The following DAB1 variants were observed in gnomAD, a reference collection of about 807,000 sequenced individuals.
DAB1 encodes the protein disabled homolog 1.
In DAB1, 15 loss-of-function variants were observed where a neutral mutation model predicts 64.6. The observed-to-expected ratio is 0.23, with a 90% CI of 0.16 to 0.36. The LOEUF is 0.36. Among genes scored for constraint, DAB1 ranks in the 10% least tolerant of loss-of-function variants. DAB1 has a pLI of 1.00. For synonymous variants in DAB1, 235 were observed against 251.9 expected (o/e 0.93, Z 0.64); for missense variants, 596 against 706.7 (o/e 0.84, Z 1.78).
At chr1:58,528,335 C>T (rs771392737) in intron 1 of DAB1, among the ~76,000 whole-genome samples, 1 of 152,124 alleles carries the variant, frequency 6.6e-6, no homozygotes, top group Non-Finnish European at 1.5e-5. Context: ...CCCTGCTAAA[C>T]CCAGTAGTAT....
chr1:58,167,251 C>T (rs1422723408), intron 4 of DAB1, among the ~76,000 whole-genome samples: 1 of 152,082 alleles, frequency 6.6e-6, no homozygotes, highest in African/African-American at 2.4e-5. Context: ...CCAATCAGCA[C>T]TCTGTAAAAA....
chr1:58,371,053 T>C (rs67403634), intron 3 of DAB1, among the ~76,000 whole-genome samples: 14,181 of 152,194 alleles, frequency 0.093, 667 homozygotes, highest in Middle Eastern at 0.13. Context: ...ACTGGGTAAC[T>C]AGCAGAGGAT....
intron 10 of DAB1, 82 bp downstream of exon 10, chr1:57,025,899 C>G (rs536589621): frequency 1.5e-4 from 178 of 1,162,380 alleles, no homozygotes; most frequent in Middle Eastern, 7.6e-4. Context: ...CTCTTTCACT[C>G]AAAGCCCATA....
intron 1 of DAB1, chr1:57,867,248 A>G (rs1654344055): frequency 6.6e-6 from 1 of 152,280 alleles, no homozygotes; most frequent in South Asian, 2.1e-4. Context: ...CGTGGTGCCA[A>G]TGGGTTAAAG....
chr1:57,501,820 A>G (rs1253645257), intron 7 of DAB1, among the ~76,000 whole-genome samples: 1 of 152,166 alleles, frequency 6.6e-6, no homozygotes, highest in East Asian at 1.9e-4. Context: ...TGCCTACTTT[A>G]TTCCTTATAA....
At chr1:57,814,963 G>A (rs1356629392) in intron 6 of DAB1, among the ~76,000 whole-genome samples, 1 of 152,276 alleles carries the variant, frequency 6.6e-6, no homozygotes, top group African/African-American at 2.4e-5. Flanking sequence ...GCTGTAGCAG[G>A]GGTTTACAAA....
chr1:57,386,363 T>C (rs1372366346), intron 1 of DAB1, among the ~76,000 whole-genome samples: 1 of 62,240 alleles, frequency 1.6e-5, no homozygotes, highest in African/African-American at 9.0e-5. Flanking sequence ...TTAGGCCCCT[T>C]GGGAAAAAAA....
intron 4 of DAB1, among the ~76,000 whole-genome samples, chr1:57,093,200 G>A (rs555060574): frequency 2.3e-4 from 35 of 152,284 alleles, no homozygotes; most frequent in African/African-American, 8.2e-4. Context: ...GAGGCAGGTG[G>A]CTGCTCGTCA....
At chr1:57,787,245 G>C (rs575955799) in intron 6 of DAB1, among the ~76,000 whole-genome samples, 5 of 152,130 alleles carry the variant, frequency 3.3e-5, no homozygotes, top group Non-Finnish European at 7.4e-5. Flanking sequence ...GTAGGAGTTA[G>C]AGTATTTGAT....
At chr1:58,362,828 T>C (rs1644180785) in intron 3 of DAB1, among the ~76,000 whole-genome samples, 1 of 152,218 alleles carries the variant, frequency 6.6e-6, no homozygotes, top group Non-Finnish European at 1.5e-5. Flanking sequence ...AATCACTCTG[T>C]GGGAAAAGGC....
In DAB1 at chr1:57,148,486, T is replaced by C. The variant is rs557172359; in HGVS notation, c.68-3057A>G. 6.2e-4 allele frequency among the ~76,000 whole-genome samples: 95 copies of C among 152,340 alleles called. 1 individual carries two copies. Among genetic ancestry groups the C allele is most frequent in the Non-Finnish European group, 1.1e-3 (74 of 68,028 alleles). ...TTAGTTAAGAAATAAATAACAGATA[T>C]CGGAGCCATAAGGCTTTAATTCTAT... On this transcript the variant is annotated intron_variant, in intron 2 of 14. Coordinates refer to ENST00000371236, the MANE Select transcript of DAB1 (RefSeq NM_001365792.1).
intron 4 of DAB1, among the ~76,000 whole-genome samples, chr1:57,104,845 A>T (rs17419873): frequency 5.9e-5 from 9 of 152,090 alleles, no homozygotes; most frequent in African/African-American, 2.2e-4. Flanking sequence ...TAGAGTCTGA[A>T]TTCTGCCAAG....
At chr1:57,121,142 G>A (rs76733468) in intron 4 of DAB1, among the ~76,000 whole-genome samples, 1 of 101,052 alleles carries the variant, frequency 9.9e-6, no homozygotes, top group African/African-American at 3.2e-5. Context: ...GAAGAAGAAG[G>A]AGGAGGAGGA....
At chr1:58,286,800 C>T (rs1185836237) in intron 4 of DAB1, among the ~76,000 whole-genome samples, 2 of 152,138 alleles carry the variant, frequency 1.3e-5, no homozygotes, top group Non-Finnish European at 2.9e-5. Context: ...CCATTTGACC[C>T]AGCAATTGCA....
chr1:58,206,984 TG>T (rs1658314175), intron 4 of DAB1, among the ~76,000 whole-genome samples: 1 of 152,212 alleles, frequency 6.6e-6, no homozygotes, highest in South Asian at 2.1e-4. Flanking sequence ...CTCAGCACCC[TG>T]CCTCCACATG....
At chr1:58,534,429 T>A (rs889275855) in intron 1 of DAB1, 1 of 600,128 alleles carries the variant, frequency 1.7e-6, no homozygotes, top group African/African-American at 1.9e-5. Context: ...TTGAACATTT[T>A]AAGTTTTAAT....
intron 5 of DAB1, among the ~76,000 whole-genome samples, chr1:57,980,493 G>C (rs377352465): frequency 2.6e-5 from 4 of 152,082 alleles, no homozygotes; most frequent in African/African-American, 4.8e-5. Flanking sequence ...GGAAGAAATG[G>C]GTTTCAAATT....
intron 4 of DAB1, among the ~76,000 whole-genome samples, chr1:57,119,772 G>A (rs1350691053): frequency 2.0e-5 from 3 of 152,022 alleles, no homozygotes; most frequent in Non-Finnish European, 2.9e-5. Flanking sequence ...CCATGTGGGC[G>A]GTTCCCTACA....
intron 7 of DAB1, among the ~76,000 whole-genome samples, chr1:57,592,424 G>C (rs1044458760): frequency 4.0e-5 from 6 of 151,800 alleles, no homozygotes; most frequent in African/African-American, 1.5e-4. Context: ...TTGAAAAGCA[G>C]CAAGGCCTCA....
Sources: gnomAD v4.1 joint callset for allele counts (sites outside exome capture counted in the v4.1 genomes callset) on GRCh38, gnomAD v4.1.1 for gene constraint, MANE v1.5 for transcripts, NCBI Gene and HGNC (gene_info 2026-07-23, HGNC 2026-07-21) for gene names.